Variants in SH3RF3 observed in about 807,000 individuals in gnomAD.
The protein encoded by SH3RF3 is E3 ubiquitin-protein ligase SH3RF3.
In SH3RF3, 29 loss-of-function variants were observed where a neutral mutation model predicts 66.3. The observed-to-expected ratio is 0.44, with a 90% CI of 0.33 to 0.60. The LOEUF (loss-of-function observed/expected upper bound fraction) is 0.60, where lower values mean the gene tolerates loss of function less well. Among genes scored for constraint, SH3RF3 ranks in the 20% least tolerant of loss-of-function variants. The pLI is 0.04. For missense variants in SH3RF3, 1,194 were observed against 1,190.9 expected, an observed-to-expected ratio of 1.00 and a Z score of -0.04; for synonymous variants, 583 against 532.0, an observed-to-expected ratio of 1.10 and a Z score of -1.32.
chr2:109,240,159 T>G (rs1164691706), intron 1 of SH3RF3, among the ~76,000 whole-genome samples: 1 of 152,188 alleles, frequency 6.6e-6, no homozygotes, highest in African/African-American at 2.4e-5. Context: ...TGTGGAACCA[T>G]GGATCACCCA....
intron 1 of SH3RF3, among the ~76,000 whole-genome samples, chr2:109,272,095 G>T (rs1001560555): frequency 6.6e-6 from 1 of 152,188 alleles, no homozygotes; most frequent in Admixed American, 6.5e-5. Flanking sequence ...CCACCACTCA[G>T]GGCAGCCCGT....
At chr2:109,346,822 C>T (rs1682720185) in intron 1 of SH3RF3, among the ~76,000 whole-genome samples, 1 of 152,204 alleles carries the variant, frequency 6.6e-6, no homozygotes, top group South Asian at 2.1e-4. Context: ...CTGACGGATA[C>T]AAGAACATCA....
rs1676748354 is a variant in SH3RF3, at chr2:109,133,678, G to A, written c.573+3565G>A. 4.1e-5 allele frequency among the ~76,000 whole-genome samples: 6 copies of A among 147,992 alleles called. No individual in the cohort carries two copies. The South Asian group carries it at 1.1e-3, about 26-fold the overall frequency. ...CACCTGATTTGACCATTTTGTTAGT[G>A]TTTGAGTCTTTCATACATGGTCATC... On this transcript the variant is annotated intron_variant, in intron 1 of 9. Coordinates refer to ENST00000309415, the MANE Select transcript of SH3RF3 (RefSeq NM_001099289.3).
chr2:109,268,370 G>A (rs922818269), intron 1 of SH3RF3, among the ~76,000 whole-genome samples: 2 of 151,926 alleles, frequency 1.3e-5, no homozygotes, highest in Non-Finnish European at 2.9e-5. Flanking sequence ...TAGTGGGGAT[G>A]TCCGTTTCAC....
chr2:109,442,584 T>G (rs1677599674), intron 7 of SH3RF3, among the ~76,000 whole-genome samples: 1 of 152,146 alleles, frequency 6.6e-6, no homozygotes, highest in Non-Finnish European at 1.5e-5. Flanking sequence ...ACACAAAGTT[T>G]GGGAAGGGAG....
At chr2:109,414,599 C>T (rs943487097) in intron 4 of SH3RF3, among the ~76,000 whole-genome samples, 1 of 152,144 alleles carries the variant, frequency 6.6e-6, no homozygotes, top group Non-Finnish European at 1.5e-5. Flanking sequence ...GACTGCATTG[C>T]CTCATAGATC....
intron 8 of SH3RF3, among the ~76,000 whole-genome samples, chr2:109,475,518 C>T (rs778235561): frequency 1.5e-4 from 23 of 152,218 alleles, no homozygotes; most frequent in Non-Finnish European, 2.4e-4. Context: ...ACTTCTGCCT[C>T]ATACAGTTGG....
chr2:109,186,139 C>T (rs1422811145), intron 1 of SH3RF3, among the ~76,000 whole-genome samples: 1 of 152,244 alleles, frequency 6.6e-6, no homozygotes, highest in Non-Finnish European at 1.5e-5. Flanking sequence ...CCTTGAAATG[C>T]TCCTTTTAAT....
rs1322906700 is a variant in SH3RF3 at position 109,490,715 on chromosome 2, C to T, written c.2259C>T (p.Asp753=). 30 of 1,534,712 alleles carry T rather than the reference C, an allele frequency of 2.0e-5. No homozygotes were observed. The highest frequency in any genetic ancestry group is 7.4e-5 in the East Asian group (3 of 40,814). The change falls in exon 9 of 10, where the codon GAC becomes GAT. Residue 753 remains aspartate (D), a synonymous_variant. Transcript: ENST00000309415. ...CCCACGACCCCCAGGTGGCCGTGGA[C>T]GCCCTGCTCCAAGGTGCAGTGGGCC... ...SPTHDPQVAV[D]ALLQGAVGPE... is the part of the protein sequence containing the mutation.
chr2:109,460,254 T>C (rs1046812100), intron 8 of SH3RF3, among the ~76,000 whole-genome samples: 1 of 152,096 alleles, frequency 6.6e-6, no homozygotes. Context: ...CAAATCCATA[T>C]CTAGAGTGAA....
At chr2:109,492,568 G>A (rs1679156864) in intron 9 of SH3RF3, among the ~76,000 whole-genome samples, 1 of 152,156 alleles carries the variant, frequency 6.6e-6, no homozygotes, top group African/African-American at 2.4e-5. Flanking sequence ...AGCGCTACAT[G>A]TGTGTAGTCT....
intron 1 of SH3RF3, among the ~76,000 whole-genome samples, chr2:109,191,608 A>G (rs1033696036): frequency 6.6e-6 from 1 of 152,168 alleles, no homozygotes; most frequent in African/African-American, 2.4e-5. Flanking sequence ...ACCCTTTCAC[A>G]TGAAGAAAGT....
rs374715584 is a variant in SH3RF3, at chr2:109,230,113, C to T, written c.573+100000C>T. On this transcript the variant is annotated intron_variant, in intron 1 of 9. Transcript: ENST00000309415. Reference sequence around the variant, plus strand: ...TGCTGGGATTACAGGTGCGAGCCACCGCACCTGGCCGATTTTTTTTTTCTT... The same window carrying T: ...TGCTGGGATTACAGGTGCGAGCCACTGCACCTGGCCGATTTTTTTTTTCTT... Among the ~76,000 whole-genome samples the T allele has an allele frequency of 1.8e-4, 28 of 152,110 alleles. No individual in the cohort carries two copies. The South Asian group carries it at 5.0e-3, about 27-fold the overall frequency.
rs114857807 is a variant in SH3RF3 at position 109,138,336 on chromosome 2, G to T, written c.573+8223G>T. 8.9e-3 allele frequency among the ~76,000 whole-genome samples: 1,352 copies of T among 152,264 alleles called. 5 individuals are homozygous for T. Among genetic ancestry groups the T allele is most frequent in the Middle Eastern group, 0.017 (5 of 294 alleles). On this transcript the variant is annotated intron_variant, in intron 1 of 9. Coordinates refer to ENST00000309415, the MANE Select transcript of SH3RF3 (RefSeq NM_001099289.3). ...GCCACTTCGCCTGGCCTCTCAGATA[G>T]AAATTTCTAAAAAATCTGTAGGGAG...
At chr2:109,361,577 A>C (rs1459094192) in intron 2 of SH3RF3, among the ~76,000 whole-genome samples, 1 of 152,054 alleles carries the variant, frequency 6.6e-6, no homozygotes, top group Non-Finnish European at 1.5e-5. Context: ...TGGTCCAAGC[A>C]ATTCTCCTGC....
At position 109,337,902 on chromosome 2, in the gene SH3RF3, A is replaced by AT. The variant is rs1041920796; in HGVS notation, c.574-9762dup. Among the ~76,000 whole-genome samples, 128 of 146,724 alleles carry AT rather than the reference A, an allele frequency of 8.7e-4. 1 individual carries two copies. Among genetic ancestry groups the AT allele is most frequent in the Non-Finnish European group, 1.4e-3 (92 of 66,162 alleles). On this transcript the variant is annotated intron_variant, in intron 1 of 9. Transcript: ENST00000309415. Reference sequence around the variant, plus strand: ...ACCACCACGCCTGGCTAATTTTTGTATTTTTTTTTTGTAGAGATGGGATTT... The same window carrying AT: ...ACCACCACGCCTGGCTAATTTTTGTATTTTTTTTTTTGTAGAGATGGGATTT...
rs114015806 is a variant in SH3RF3, at chr2:109,247,561, G to A, written c.574-100113G>A. Among the ~76,000 whole-genome samples, 606 of 152,332 alleles carry A rather than the reference G, an allele frequency of 4.0e-3. 5 individuals are homozygous for A. Among genetic ancestry groups the A allele is most frequent in the African/African-American group, 0.014 (576 of 41,584 alleles). ...CAGCCTGCTGTGCTCTTCCTGTGCA[G>A]AAACTCTTGCCTGGTTACACTTGGC... On this transcript the variant is annotated intron_variant, in intron 1 of 9. Transcript: ENST00000309415.
chr2:109,381,600 T>A (rs1675671993), intron 3 of SH3RF3, among the ~76,000 whole-genome samples: 1 of 151,870 alleles, frequency 6.6e-6, no homozygotes, highest in African/African-American at 2.4e-5. Flanking sequence ...CTTCTACCTT[T>A]CCTGCTTGAG....
intron 1 of SH3RF3, among the ~76,000 whole-genome samples, chr2:109,296,244 C>T (rs1260522886): frequency 1.3e-5 from 2 of 148,926 alleles, no homozygotes; most frequent in African/African-American, 2.6e-5. Flanking sequence ...TATTATTATT[C>T]GAGATGGAGT....
Sources: allele counts gnomAD v4.1 joint callset (sites outside exome capture counted in the v4.1 genomes callset), GRCh38; gene constraint gnomAD v4.1.1; transcripts MANE v1.5; gene names NCBI Gene and HGNC (gene_info 2026-07-23, HGNC 2026-07-21).